ITGA1: variants seen among roughly 807,000 people sequenced by gnomAD.
ITGA1 encodes the protein integrin subunit alpha 1.
In ITGA1, 85 loss-of-function variants were observed where a neutral mutation model predicts 145.9. The ratio of observed to expected loss-of-function variants is 0.58; its 90% CI spans 0.49 to 0.70. The LOEUF (loss-of-function observed/expected upper bound fraction) is 0.70. Ranked by LOEUF, ITGA1 falls within the 30% of genes least tolerant of loss-of-function variation. The pLI is 0.00. For missense variants in ITGA1, 1,351 were observed against 1,418.7 expected, an observed-to-expected ratio of 0.95 and a Z score of 0.77; for synonymous variants, 520 against 495.3, an observed-to-expected ratio of 1.05 and a Z score of -0.66.
intron 6 of ITGA1, among the ~76,000 whole-genome samples, chr5:52,873,913 G>A (rs542025015): frequency 4.6e-5 from 7 of 152,104 alleles, no homozygotes; most frequent in Admixed American, 6.5e-5. Context: ...GGGTGCTGGT[G>A]TAACCCTGAC....
At chr5:52,912,348 T>G (rs1266821571) in intron 14 of ITGA1, among the ~76,000 whole-genome samples, 9 of 145,436 alleles carry the variant, frequency 6.2e-5, no homozygotes, top group Non-Finnish European at 1.1e-4. Context: ...ATCCAGTATA[T>G]GTATTATATA....
chr5:52,906,888 A>T (rs1028326254), intron 12 of ITGA1, among the ~76,000 whole-genome samples: 2 of 152,158 alleles, frequency 1.3e-5, no homozygotes, highest in Admixed American at 6.5e-5. Flanking sequence ...CACAAACTGC[A>T]CTCGCTTTAA....
intron 1 of ITGA1, among the ~76,000 whole-genome samples, chr5:52,790,901 T>C (rs988222425): frequency 6.6e-6 from 1 of 152,196 alleles, no homozygotes. Context: ...ATAATCCTCA[T>C]GTTCATTTTG....
chr5:52,900,433 GA>G (rs1750296645), intron 11 of ITGA1, among the ~76,000 whole-genome samples: 2 of 152,048 alleles, frequency 1.3e-5, no homozygotes, highest in African/African-American at 2.4e-5. Context: ...CTAACCTAGG[GA>G]AAAAAATCCA....
At chr5:52,816,971 C>T (rs1022680075) in intron 1 of ITGA1, among the ~76,000 whole-genome samples, 1 of 152,100 alleles carries the variant, frequency 6.6e-6, no homozygotes, top group Non-Finnish European at 1.5e-5. Flanking sequence ...ACAGAATTGG[C>T]ACCCTAAAAG....
intron 1 of ITGA1, 108 bp downstream of exon 1, chr5:52,788,522 T>A (rs1748173594): frequency 1.0e-6 from 1 of 972,694 alleles, no homozygotes. Flanking sequence ...AGAGCGCCCA[T>A]CCACTTTCGG....
intron 1 of ITGA1, among the ~76,000 whole-genome samples, chr5:52,837,482 G>A (rs1258544385): frequency 2.6e-5 from 4 of 152,110 alleles, no homozygotes; most frequent in African/African-American, 7.2e-5. Context: ...TAAAGTTAAA[G>A]CCATGTTTTT....
chr5:52,872,415 G>A (rs542642326), intron 6 of ITGA1, among the ~76,000 whole-genome samples: 1 of 151,984 alleles, frequency 6.6e-6, no homozygotes, highest in Non-Finnish European at 1.5e-5. Context: ...TCCGAAGTGA[G>A]TTCAGAACAT....
At chr5:52,936,389 G>T (rs1477396532) in intron 23 of ITGA1, among the ~76,000 whole-genome samples, 1 of 152,168 alleles carries the variant, frequency 6.6e-6, no homozygotes, top group Non-Finnish European at 1.5e-5. Flanking sequence ...GGAACCTCCA[G>T]AATTCCAGAA....
In ITGA1 at chr5:52,788,374, C is replaced by T. The variant is rs1238986677; in HGVS notation, c.21C>T (p.Ala7=). 1 of 1,512,844 alleles carries T rather than the reference C, an allele frequency of 6.6e-7. No homozygotes were observed. 93.7% of individuals were successfully genotyped at this position (1,512,844 alleles called of 1,614,324 possible). The change falls in exon 1 of 29, where the codon GCC becomes GCT. Residue 7 remains alanine, a synonymous_variant. Transcript: ENST00000282588. ...CGGCCATGGCCCCTCGGCCCCGCGC[C>T]CGCCCAGGGGTCGCTGTCGCCTGCT... The part of the protein sequence containing the change: MAPRPR[A]RPGVAVACCW...
In ITGA1 at chr5:52,865,720, T is replaced by G; in HGVS notation, c.527T>G (p.Val176Gly). Residue 176 changes from valine to glycine, a missense_variant, in exon 6 of 29, where the codon GTG becomes GGG. By Grantham distance (109) the Val-to-Gly change is moderately radical. Transcript: ENST00000282588. ...ECSTQLDIVI[V>G]LDGSNSIYPW... is the part of the protein sequence containing the mutation. Reference sequence around the variant, plus strand: ...AGCACTCAACTGGACATAGTCATAGTGCTGGATGGTTCCAACAGTATTTAC... The same window carrying G: ...AGCACTCAACTGGACATAGTCATAGGGCTGGATGGTTCCAACAGTATTTAC... 1 of 1,591,436 alleles carries G rather than the reference T, an allele frequency of 6.3e-7. No homozygotes were observed. The highest frequency in any genetic ancestry group is 8.5e-7 in the Non-Finnish European group (1 of 1,172,734).
chr5:52,897,380 A>G, intron 9 of ITGA1, 75 bp from the exon 10 acceptor site: 3 of 948,210 alleles, frequency 3.2e-6, no homozygotes, highest in Middle Eastern at 4.6e-4. Flanking sequence ...TCTACCAGGT[A>G]TCTGTATTCT....
intron 26 of ITGA1, among the ~76,000 whole-genome samples, chr5:52,940,568 C>G (rs951537518): frequency 6.6e-6 from 1 of 151,896 alleles, no homozygotes; most frequent in Non-Finnish European, 1.5e-5. Flanking sequence ...ACCACCACGC[C>G]CGGCTAATTT....
At chr5:52,898,427 A>G (rs746394183) in intron 11 of ITGA1, 44 bp downstream of exon 11, 1 of 1,488,094 alleles carries the variant, frequency 6.7e-7, no homozygotes, top group Non-Finnish European at 9.1e-7. Context: ...TTACTTTTCC[A>G]TTTTTTACCT....
intron 1 of ITGA1, among the ~76,000 whole-genome samples, chr5:52,831,736 C>T (rs1444424557): frequency 2.1e-5 from 3 of 139,780 alleles, no homozygotes; most frequent in Admixed American, 7.5e-5. Flanking sequence ...CCTTTTAATC[C>T]CTTAAAGACC....
At chr5:52,840,255 C>T (rs1749231405) in intron 1 of ITGA1, among the ~76,000 whole-genome samples, 1 of 152,186 alleles carries the variant, frequency 6.6e-6, no homozygotes, top group Admixed American at 6.5e-5. Flanking sequence ...CTTACAATAT[C>T]ATATTTCTGG....
At chr5:52,915,633 G>A (rs1402748732) in intron 15 of ITGA1, 39 bp downstream of exon 15, 3 of 1,608,314 alleles carry the variant, frequency 1.9e-6, no homozygotes, top group African/African-American at 2.7e-5. Flanking sequence ...CTGAGACTGG[G>A]TCACTTGCAG....
chr5:52,861,486 C>G lies in ITGA1; in HGVS notation c.222C>G (p.Asn74Lys). 1 of 1,613,804 alleles carries G rather than the reference C, an allele frequency of 6.2e-7. No homozygotes were observed. The highest frequency in any genetic ancestry group is 8.5e-7 in the Non-Finnish European group (1 of 1,179,836). ...IGSPLVGQPKNRTGDVYKCPV... is the reference protein window; with the variant it reads ...IGSPLVGQPKKRTGDVYKCPV... ...CTCCGTTAGTTGGCCAACCCAAAAACAGAACTGGAGATGTCTATAAGTGTC... is the reference window on the plus strand; with the variant it reads ...CTCCGTTAGTTGGCCAACCCAAAAAGAGAACTGGAGATGTCTATAAGTGTC... Residue 74 changes from asparagine to lysine, a missense_variant, in exon 3 of 29, where the codon AAC becomes AAG. Physicochemically the swap from Asn to Lys is moderately conservative, Grantham distance 94. Transcript: ENST00000282588.
At chr5:52,841,680 A>C (rs2111738783) in intron 1 of ITGA1, among the ~76,000 whole-genome samples, 1 of 152,364 alleles carries the variant, frequency 6.6e-6, no homozygotes, top group South Asian at 2.1e-4. Context: ...AGGGCTTCCA[A>C]CTTTCACAAA....
Sources: allele counts gnomAD v4.1 joint callset (sites outside exome capture counted in the v4.1 genomes callset), GRCh38; gene constraint gnomAD v4.1.1; transcripts MANE v1.5; gene names NCBI Gene and HGNC (gene_info 2026-07-23, HGNC 2026-07-21).